Variants in ARMC9 observed in about 807,000 individuals in gnomAD.
The protein encoded by ARMC9 is armadillo repeat containing 9.
Under a neutral mutation model 107.0 loss-of-function variants are expected in ARMC9, and 94 were observed. The observed-to-expected ratio is 0.88, with a 90% confidence interval of 0.74 to 1.04. The LOEUF (loss-of-function observed/expected upper bound fraction) is 1.04. ARMC9 is among the 50% of genes least tolerant of loss of function. The pLI, the probability that ARMC9 is intolerant of heterozygous loss-of-function variation, is 0.00. For synonymous variants in ARMC9, 380 were observed against 396.9 expected (o/e 0.96, Z 0.51); for missense variants, 942 against 1,030.1 (o/e 0.91, Z 1.17).
intron 9 of ARMC9, chr2:231,256,180 G>T (rs576045790): frequency 3.3e-6 from 5 of 1,531,786 alleles, no homozygotes; most frequent in Non-Finnish European, 4.4e-6. Flanking sequence ...GACAGTGCAC[G>T]CAGGTGCGCG....
intron 21 of ARMC9, among the ~76,000 whole-genome samples, chr2:231,346,385 G>A (rs541937783): frequency 3.3e-5 from 5 of 152,218 alleles, no homozygotes; most frequent in African/African-American, 7.2e-5. Context: ...GCCCAGCATG[G>A]TGGCGGGCAC....
rs376665146 is a variant in ARMC9, at chr2:231,313,903, G to A, written c.1773+17650G>A. 8.0e-5 allele frequency among the ~76,000 whole-genome samples: 12 copies of A among 150,416 alleles called. No homozygotes were observed. In the East Asian group the frequency reaches 2.0e-3, roughly 24 times the overall value. Reference sequence around the variant, plus strand: ...CTTGAGTAGCTGGAACTGCAGGTGTGTGCCACCACTTCTGCCTAATTTTTT... The same window carrying A: ...CTTGAGTAGCTGGAACTGCAGGTGTATGCCACCACTTCTGCCTAATTTTTT... On this transcript the variant is annotated intron_variant, in intron 19 of 24. Transcript: ENST00000611582.
At chr2:231,240,274 G>C (rs2036175119) in intron 9 of ARMC9, 1 of 536,782 alleles carries the variant, frequency 1.9e-6, no homozygotes. Flanking sequence ...ACCAGTTGCA[G>C]CCACTCAGTG....
chr2:231,233,472 A>G (rs969154575), intron 7 of ARMC9, among the ~76,000 whole-genome samples: 2 of 152,064 alleles, frequency 1.3e-5, no homozygotes, highest in Non-Finnish European at 2.9e-5. Flanking sequence ...CCTTTCTGCC[A>G]CTTTTAAAAG....
At chr2:231,336,144 C>G (rs2044074934) in intron 20 of ARMC9, among the ~76,000 whole-genome samples, 2 of 150,988 alleles carry the variant, frequency 1.3e-5, no homozygotes, top group Non-Finnish European at 2.9e-5. Flanking sequence ...GAAGAATGCC[C>G]TGACTTAAAT....
chr2:231,311,828 G>A (rs7580717), intron 19 of ARMC9, among the ~76,000 whole-genome samples: 43,351 of 146,396 alleles, frequency 0.3, 6,740 homozygotes, highest in Non-Finnish European at 0.34. Context: ...GTTCCTTTCC[G>A]CAGAGAATCC....
At chr2:231,338,063 G>A (rs981425040) in intron 20 of ARMC9, among the ~76,000 whole-genome samples, 11 of 152,098 alleles carry the variant, frequency 7.2e-5, no homozygotes, top group African/African-American at 1.4e-4. Flanking sequence ...ATCTCTTAGC[G>A]TGGCCCTGCC....
intron 6 of ARMC9, among the ~76,000 whole-genome samples, chr2:231,225,452 A>G (rs1402569492): frequency 6.6e-6 from 1 of 152,354 alleles, no homozygotes; most frequent in East Asian, 1.9e-4. Context: ...AAAAAATGCA[A>G]ACAACTCAAA....
intron 9 of ARMC9, among the ~76,000 whole-genome samples, chr2:231,240,736 C>T (rs2036218469): frequency 6.6e-6 from 1 of 152,136 alleles, no homozygotes; most frequent in African/African-American, 2.4e-5. Context: ...GTAGTTGAGT[C>T]AATAATGTCC....
chr2:231,354,855 G>C (rs6761926), intron 21 of ARMC9, among the ~76,000 whole-genome samples: 1 of 152,118 alleles, frequency 6.6e-6, no homozygotes, highest in Non-Finnish European at 1.5e-5. Context: ...GGCCTTCCTC[G>C]GGGATCTGTG....
chr2:231,268,495 T>C (rs975094232), intron 12 of ARMC9, among the ~76,000 whole-genome samples: 3 of 152,176 alleles, frequency 2.0e-5, no homozygotes, highest in East Asian at 3.8e-4. Flanking sequence ...ACCAAACTTT[T>C]ATTGATTCCT....
intron 5 of ARMC9, among the ~76,000 whole-genome samples, chr2:231,218,364 A>G (rs2033756821): frequency 6.6e-6 from 1 of 152,100 alleles, no homozygotes; most frequent in African/African-American, 2.4e-5. Context: ...ATAAAAATAA[A>G]TTTTAAAAAA....
chr2:231,212,604 G>A (rs980183816), intron 3 of ARMC9, among the ~76,000 whole-genome samples: 1 of 152,218 alleles, frequency 6.6e-6, no homozygotes, highest in Non-Finnish European at 1.5e-5. Flanking sequence ...ATGGGCACTG[G>A]GTTTGCTTGG....
chr2:231,350,237 G>C (rs1157944650), intron 21 of ARMC9, among the ~76,000 whole-genome samples: 1 of 151,808 alleles, frequency 6.6e-6, no homozygotes, highest in African/African-American at 2.4e-5. Context: ...TGTTGGCCAG[G>C]CTGGTCTTGA....
intron 1 of ARMC9, among the ~76,000 whole-genome samples, chr2:231,204,893 A>G (rs754475044): frequency 3.9e-5 from 6 of 152,004 alleles, no homozygotes; most frequent in Non-Finnish European, 8.8e-5. Flanking sequence ...TCAGAGGCCA[A>G]GTTGTCTAGG....
In ARMC9 at chr2:231,373,908, A is replaced by T. The variant is rs2046116875; in HGVS notation, c.*2373A>T. The T allele has an allele frequency of 6.6e-6, 1 of 152,154 alleles. No individual in the cohort carries two copies. The highest frequency in any genetic ancestry group is 2.4e-5 in the African/African-American group (1 of 41,416). The allele number at this position is 152,154 out of a possible 1,614,324, so 9.4% of individuals were successfully genotyped here. The stretch of plus-strand genomic sequence containing the variant: ...CAGAGACTCCGTCAAAAAAAAAAAA[A>T]AAATACATTGAGATTACCAGGTGGG... On this transcript the variant is annotated 3_prime_UTR_variant, in exon 25 of 25. Transcript: ENST00000611582. This position sits in a 1 kb window ranked among gnomAD's most constrained non-coding sequence, Gnocchi z 4.4.
At chr2:231,231,909 G>A (rs1229444214) in intron 7 of ARMC9, among the ~76,000 whole-genome samples, 10 of 151,788 alleles carry the variant, frequency 6.6e-5, no homozygotes, top group Admixed American at 5.2e-4. Flanking sequence ...GGCTTGTGTC[G>A]AACTCCCGAC....
chr2:231,345,286 G>A, intron 21 of ARMC9, 196 bp downstream of exon 21: 1 of 1,063,084 alleles, frequency 9.4e-7, no homozygotes, highest in South Asian at 1.8e-5. Context: ...TATTCCAGAA[G>A]GAGAAGTGGT....
At chr2:231,314,230 C>T (rs2042535215) in intron 19 of ARMC9, among the ~76,000 whole-genome samples, 1 of 152,204 alleles carries the variant, frequency 6.6e-6, no homozygotes, top group South Asian at 2.1e-4. Context: ...CAGGCATGCG[C>T]CACCATGCCC....
Sources: allele counts gnomAD v4.1 joint callset (sites outside exome capture counted in the v4.1 genomes callset), GRCh38; gene constraint gnomAD v4.1.1; non-coding constraint Gnocchi (gnomAD v3.1); transcripts MANE v1.5; gene names NCBI Gene and HGNC (gene_info 2026-07-23, HGNC 2026-07-21).